Variants in WDR17 observed in about 807,000 individuals in gnomAD.
The protein encoded by WDR17 is WD repeat domain 17.
WDR17 carries 143 observed loss-of-function variants against 161.7 expected under a neutral mutation model. That is an observed-to-expected ratio of 0.88 (90% confidence interval 0.77 to 1.02). The LOEUF is 1.02. WDR17 is among the 50% of genes least tolerant of loss of function. The probability of loss-of-function intolerance (pLI) is 0.00; values close to 1 mark genes in which losing one functional copy is unlikely to be tolerated. For missense variants in WDR17, 1,469 were observed against 1,520.9 expected (o/e 0.97, Z 0.57); for synonymous variants, 517 against 515.6 (o/e 1.00, Z -0.04).
Position 176,131,596 on chromosome 4 carries a change from C to T in WDR17, c.956C>T (p.Thr319Ile), listed in dbSNP as rs531861423. The T allele has an allele frequency of 6.2e-7, 1 of 1,611,728 alleles. No homozygotes were observed. Among genetic ancestry groups the T allele is most frequent in the East Asian group, 2.2e-5 (1 of 44,662 alleles). The change falls in exon 7 of 29, where the codon ACA (threonine) becomes ATA (isoleucine). Residue 319 changes from threonine (T) to isoleucine (I), a missense_variant. Transcript: ENST00000508596. ...ACCAAAAATCATTATACATCCTCAA[C>T]AAGCGAAGCAGTTCCACCCCCAACT... is the stretch of plus-strand genomic sequence containing the variant. ...SPTKNHYTSS[T>I]SEAVPPPTLT... is the part of the protein sequence containing the mutation.
intron 2 of WDR17, among the ~76,000 whole-genome samples, chr4:176,114,707 G>GA (rs144012963): frequency 1.3e-5 from 2 of 151,680 alleles, no homozygotes; most frequent in Non-Finnish European, 1.5e-5. Flanking sequence ...TACAGAGGCT[G>GA]AAAAAACAGG....
At chr4:176,110,622 A>G (rs959040943) in intron 1 of WDR17, among the ~76,000 whole-genome samples, 2 of 152,226 alleles carry the variant, frequency 1.3e-5, no homozygotes, top group Admixed American at 6.5e-5. Flanking sequence ...CATTATGATC[A>G]TAGACTTACA....
intron 28 of WDR17, 137 bp from the exon 29 acceptor site, chr4:176,179,323 T>C (rs543261295): frequency 2.0e-6 from 2 of 1,015,196 alleles, no homozygotes; most frequent in South Asian, 7.7e-5. Flanking sequence ...ACTAATTTTC[T>C]CATAGTCTTC....
intron 1 of WDR17, among the ~76,000 whole-genome samples, chr4:176,097,178 A>T (rs911863001): frequency 6.6e-6 from 1 of 152,038 alleles, no homozygotes; most frequent in Non-Finnish European, 1.5e-5. Context: ...ACCTTGTCAA[A>T]TGGATTTAGT....
chr4:176,159,273 A>ACACG (rs200583064), intron 18 of WDR17, among the ~76,000 whole-genome samples: 1 of 147,588 alleles, frequency 6.8e-6, no homozygotes, highest in African/African-American at 2.5e-5. Flanking sequence ...ACACACACAC[A>ACACG]TGCACACACA....
In WDR17 at chr4:176,179,690, G is replaced by A. The variant is rs928929726; in HGVS notation, c.*111G>A. On this transcript the variant is annotated 3_prime_UTR_variant, in exon 29 of 29. Coordinates refer to ENST00000508596, the MANE Select transcript of WDR17 (RefSeq NM_181265.4). ...GCCAGAGGTTGGGAGAAGGATTGCAGGTTGGGAGAGGTGGGAAATAGCAGT... is the reference window on the plus strand; with the variant it reads ...GCCAGAGGTTGGGAGAAGGATTGCAAGTTGGGAGAGGTGGGAAATAGCAGT... 8.4e-6 allele frequency: 9 copies of A among 1,077,214 alleles called. No homozygotes were observed. Among genetic ancestry groups the A allele is most frequent in the Non-Finnish European group, 9.8e-6 (8 of 817,438 alleles). The allele number at this position is 1,077,214 out of a possible 1,614,324, so 66.7% of individuals were successfully genotyped here.
At chr4:176,084,620 A>G (rs1579005395) in intron 1 of WDR17, among the ~76,000 whole-genome samples, 1 of 151,806 alleles carries the variant, frequency 6.6e-6, no homozygotes, top group East Asian at 1.9e-4. Context: ...TTTGTGTCCT[A>G]TTTAATGAGT....
intron 3 of WDR17, 145 bp downstream of exon 3, chr4:176,116,124 C>A: frequency 1.3e-6 from 1 of 774,232 alleles, no homozygotes; most frequent in Non-Finnish European, 1.9e-6. Context: ...CACATAATGA[C>A]TCATGCCCAT....
chr4:176,070,880 G>T (rs1733146947), intron 1 of WDR17, among the ~76,000 whole-genome samples: 1 of 152,020 alleles, frequency 6.6e-6, no homozygotes, highest in South Asian at 2.1e-4. Context: ...GATTTTCTTT[G>T]CTGGTTTTCC....
At chr4:176,172,785 G>C (rs1338026413) in intron 24 of WDR17, among the ~76,000 whole-genome samples, 1 of 152,056 alleles carries the variant, frequency 6.6e-6, no homozygotes, top group Non-Finnish European at 1.5e-5. Context: ...CACTTGGTGA[G>C]AGCAGGGGCA....
At position 176,130,552 on chromosome 4, in the gene WDR17, G is replaced by A. The variant is rs533004492; in HGVS notation, c.914-1002G>A. Reference sequence around the variant, plus strand: ...AAGGTCAGGAGATCGAGACCATCCTGGCTAACACAGTGAAACCCTGTCTCT... The same window carrying A: ...AAGGTCAGGAGATCGAGACCATCCTAGCTAACACAGTGAAACCCTGTCTCT... On this transcript the variant is annotated intron_variant, in intron 6 of 28. Transcript: ENST00000508596. 7.2e-4 allele frequency among the ~76,000 whole-genome samples: 110 copies of A among 151,996 alleles called. 1 individual carries two copies. In the South Asian group the frequency reaches 0.02, roughly 27 times the overall value.
At position 176,101,505 on chromosome 4, in the gene WDR17, C is replaced by A. The variant is rs1240963925; in HGVS notation, c.-6-10070C>A. Among the ~76,000 whole-genome samples the A allele has an allele frequency of 2.0e-5, 3 of 152,078 alleles. No individual in the cohort carries two copies. In the South Asian group the frequency reaches 6.2e-4, roughly 31 times the overall value. On this transcript the variant is annotated intron_variant, in intron 1 of 28. Transcript: ENST00000508596. Reference sequence around the variant, plus strand: ...CGACAGAAATGTTGGTATTATCAGACAAGGAATTTAAAAAACTACAATTAA... The same window carrying A: ...CGACAGAAATGTTGGTATTATCAGAAAAGGAATTTAAAAAACTACAATTAA...
intron 1 of WDR17, among the ~76,000 whole-genome samples, chr4:176,098,718 A>C (rs1201761239): frequency 6.6e-6 from 1 of 151,996 alleles, no homozygotes; most frequent in Non-Finnish European, 1.5e-5. Context: ...CTTTGTTTGA[A>C]TATGTAATTC....
chr4:176,094,137 T>C (rs1736491294), intron 1 of WDR17, among the ~76,000 whole-genome samples: 1 of 152,230 alleles, frequency 6.6e-6, no homozygotes, highest in Non-Finnish European at 1.5e-5. Flanking sequence ...TAAGTGATTT[T>C]GTTTAGCTGC....
Position 176,134,943 on chromosome 4 carries a change from C to T in WDR17, c.1099-165C>T, listed in dbSNP as rs1178737544. Among the ~76,000 whole-genome samples the T allele has an allele frequency of 8.6e-5, 13 of 151,774 alleles. No homozygotes were observed. The East Asian group carries it at 2.5e-3, about 29-fold the overall frequency. ...ATACAGTAATGGCACAGAGAACATT[C>T]AATCACTGTAGTGATTCCAGTTTTC... On this transcript the variant is annotated intron_variant, in intron 7 of 28. Transcript: ENST00000508596.
chr4:176,159,867 A>C (rs1748761341), intron 18 of WDR17, 127 bp from the exon 19 acceptor site: 1 of 849,336 alleles, frequency 1.2e-6, no homozygotes, highest in Non-Finnish European at 1.7e-6. Flanking sequence ...TGTCTTTTTT[A>C]AAAGTGGTAT....
chr4:176,072,549 A>T (rs1733374761), intron 1 of WDR17, among the ~76,000 whole-genome samples: 1 of 152,230 alleles, frequency 6.6e-6, no homozygotes, highest in African/African-American at 2.4e-5. Flanking sequence ...TATCTATCAC[A>T]ATGAGAATAA....
In WDR17 at chr4:176,131,578, A is replaced by G; in HGVS notation, c.938A>G (p.Asn313Ser). 6.2e-7 allele frequency: 1 copy of G among 1,607,268 alleles called. No homozygotes were observed. Among genetic ancestry groups the G allele is most frequent in the Non-Finnish European group, 8.5e-7 (1 of 1,177,278 alleles). The part of the protein sequence containing the change: ...KKFSVQSPTK[N>S]HYTSSTSEAV... Reference sequence around the variant, plus strand: ...GTTTCAGTCCAATCTCCAACCAAAAATCATTATACATCCTCAACAAGCGAA... The same window carrying G: ...GTTTCAGTCCAATCTCCAACCAAAAGTCATTATACATCCTCAACAAGCGAA... The change falls in exon 7 of 29, where the codon AAT becomes AGT. Residue 313 changes from asparagine to serine, a missense_variant. Coordinates refer to ENST00000508596, the MANE Select transcript of WDR17 (RefSeq NM_181265.4).
chr4:176,174,233 G>A (rs925471033), intron 25 of WDR17, among the ~76,000 whole-genome samples: 2 of 151,990 alleles, frequency 1.3e-5, no homozygotes, highest in African/African-American at 4.8e-5. Context: ...CTGGGAGACT[G>A]GCTAACTCCC....
Sources: allele counts gnomAD v4.1 joint callset (sites outside exome capture counted in the v4.1 genomes callset), GRCh38; gene constraint gnomAD v4.1.1; transcripts MANE v1.5; gene names NCBI Gene and HGNC (gene_info 2026-07-23, HGNC 2026-07-21).